The following CHD9 variants were observed in gnomAD, a reference collection of about 807,000 sequenced individuals.
The protein encoded by CHD9 is ATP-dependent chromatin remodeler CHD9.
A neutral mutation model predicts 316.1 loss-of-function variants in CHD9; 77 were observed. The observed-to-expected ratio is 0.24, with a 90% CI of 0.20 to 0.29. CHD9 has a LOEUF of 0.29. CHD9 is among the 10% of genes least tolerant of loss of function. The probability of loss-of-function intolerance (pLI) is 1.00; values close to 1 mark genes in which losing one functional copy is unlikely to be tolerated. For missense variants in CHD9, 2,763 were observed against 3,438.1 expected (o/e 0.80, Z 4.91); for synonymous variants, 1,129 against 1,158.3 (o/e 0.97, Z 0.51).
In CHD9 at chr16:53,247,444, C is replaced by T; in HGVS notation, c.3606C>T (p.Leu1202=). 1 of 1,608,304 alleles carries T rather than the reference C, an allele frequency of 6.2e-7. No individual in the cohort carries two copies. The highest frequency in any genetic ancestry group is 8.5e-7 in the Non-Finnish European group (1 of 1,176,956). The change falls in exon 16 of 39, where the codon CTC becomes CTT. Residue 1202 remains leucine (L), a synonymous_variant. Transcript: ENST00000447540. ...TGAAAGCCGGAGGTCATAAAGTGCT[C>T]ATCTTCTCTCAAATGGTTCGTTGCC... The part of the protein sequence containing the change: ...PKMKAGGHKV[L]IFSQMVRCLD...
chr16:53,057,046 C>T (rs1426609121), intron 1 of CHD9, among the ~76,000 whole-genome samples: 1 of 152,118 alleles, frequency 6.6e-6, no homozygotes, highest in Non-Finnish European at 1.5e-5. Flanking sequence ...CATGGTGGCT[C>T]ATGCATATAA....
chr16:53,057,634 A>C (rs373857670), intron 1 of CHD9, among the ~76,000 whole-genome samples: 4 of 152,058 alleles, frequency 2.6e-5, no homozygotes, highest in Admixed American at 2.6e-4. Context: ...AGCCTGGGCA[A>C]CAACAGCGAA....
In CHD9 at chr16:53,327,221, T is replaced by C. The variant is rs1446187478; in HGVS notation, c.*2326T>C. On this transcript the variant is annotated 3_prime_UTR_variant, in exon 39 of 39. Coordinates refer to ENST00000447540, the MANE Select transcript of CHD9 (RefSeq NM_001308319.2). ...TACTAAAGTTGCAGTTGAAAGAATA[T>C]CCAAGTATGTGTTGGTAGTTACTAA... The C allele has an allele frequency of 1.3e-5, 2 of 152,494 alleles. No individual in the cohort carries two copies. The highest frequency in any genetic ancestry group is 2.9e-5 in the Non-Finnish European group (2 of 67,946). The allele number at this position is 152,494 out of a possible 1,614,324, so 9.4% of individuals were successfully genotyped here. A position where few individuals can be genotyped will look rare whatever the true frequency, so the allele number is the denominator to read the frequency against.
At chr16:53,130,453 G>A (rs2039175071) in intron 1 of CHD9, among the ~76,000 whole-genome samples, 1 of 151,124 alleles carries the variant, frequency 6.6e-6, no homozygotes, top group Non-Finnish European at 1.5e-5. Flanking sequence ...GGCGTGCCCT[G>A]CCGGGGCCTG....
intron 1 of CHD9, among the ~76,000 whole-genome samples, chr16:53,143,362 A>T (rs1270270581): frequency 1.4e-4 from 9 of 62,186 alleles, no homozygotes; most frequent in African/African-American, 6.3e-4. Context: ...ATCTTATTTT[A>T]TTTATTTATT....
rs1041509456 is a variant in CHD9 at position 53,245,928 on chromosome 16, G to A, written c.3454+78G>A. 2 of 1,001,746 alleles carry A rather than the reference G, an allele frequency of 2.0e-6. No homozygotes were observed. The highest frequency in any genetic ancestry group is 3.3e-5 in the African/African-American group (2 of 60,230). 62.1% of individuals were successfully genotyped at this position (1,001,746 alleles called of 1,614,324 possible). Reference sequence around the variant, plus strand: ...GAATAAATAAACAGAACACACTACAGCTGTAGTGGCTGTTATGACTCTCCA... The same window carrying A: ...GAATAAATAAACAGAACACACTACAACTGTAGTGGCTGTTATGACTCTCCA... On this transcript the variant is annotated intron_variant, in intron 15 of 38. Coordinates refer to ENST00000447540, the MANE Select transcript of CHD9 (RefSeq NM_001308319.2). This position sits in a 1 kb window ranked among gnomAD's most constrained non-coding sequence, Gnocchi z 4.1.
chr16:53,162,981 G>A (rs2042023095), intron 2 of CHD9, among the ~76,000 whole-genome samples: 1 of 151,740 alleles, frequency 6.6e-6, no homozygotes, highest in Non-Finnish European at 1.5e-5. Flanking sequence ...TTGTTGCCCA[G>A]GCTGGACTCA....
intron 34 of CHD9, among the ~76,000 whole-genome samples, chr16:53,313,557 C>T (rs1278319213): frequency 1.3e-5 from 2 of 152,026 alleles, no homozygotes; most frequent in Non-Finnish European, 2.9e-5. Flanking sequence ...CTGCCCACCT[C>T]GTCCTTCCAA....
In CHD9 at chr16:53,304,354, A is replaced by G. The variant is rs2055722734; in HGVS notation, c.6348A>G (p.Pro2116=). The change falls in exon 31 of 39, where the codon CCA becomes CCG. Residue 2116 remains proline (P), a synonymous_variant. Transcript: ENST00000447540. ...GAACAGAACCCCTAACTCCAAACCC[A>G]GCTTCTAAGAAACCAAGAGTCCACA... ...AARTEPLTPN[P]ASKKPRVHKR... 5 of 1,613,210 alleles carry G rather than the reference A, an allele frequency of 3.1e-6. No individual in the cohort carries two copies. Among genetic ancestry groups the G allele is most frequent in the Non-Finnish European group, 4.2e-6 (5 of 1,179,828 alleles).
chr16:53,272,146 A>G (rs1419895813), intron 22 of CHD9, among the ~76,000 whole-genome samples: 1 of 152,116 alleles, frequency 6.6e-6, no homozygotes, highest in Non-Finnish European at 1.5e-5. Flanking sequence ...AAGTTTATTT[A>G]GTAAAACTAC....
At chr16:53,078,988 T>C (rs898737991) in intron 1 of CHD9, among the ~76,000 whole-genome samples, 3 of 152,188 alleles carry the variant, frequency 2.0e-5, no homozygotes, top group Non-Finnish European at 2.9e-5. Context: ...TATGGCATTA[T>C]GTCGTCTTTG....
intron 1 of CHD9, among the ~76,000 whole-genome samples, chr16:53,118,861 C>T (rs1471936943): frequency 2.0e-5 from 3 of 147,746 alleles, no homozygotes; most frequent in Non-Finnish European, 3.0e-5. Context: ...GGCACAATCT[C>T]GGCTCACTGC....
intron 1 of CHD9, among the ~76,000 whole-genome samples, chr16:53,061,804 G>T (rs1238207687): frequency 6.6e-6 from 1 of 152,190 alleles, no homozygotes; most frequent in Non-Finnish European, 1.5e-5. Flanking sequence ...ATGTCTGCAG[G>T]TAACCTCGGG....
At chr16:53,186,214 G>A (rs1199539168) in intron 2 of CHD9, among the ~76,000 whole-genome samples, 1 of 152,220 alleles carries the variant, frequency 6.6e-6, no homozygotes, top group Non-Finnish European at 1.5e-5. Flanking sequence ...GGATGGAAAT[G>A]CCCAAGGCTG....
At chr16:53,112,654 A>G (rs943994277) in intron 1 of CHD9, among the ~76,000 whole-genome samples, 42 of 152,234 alleles carry the variant, frequency 2.8e-4, no homozygotes, top group African/African-American at 9.4e-4. Flanking sequence ...ACAAGACAAA[A>G]GACCAGTACT....
chr16:53,307,182 G>T (rs572094551), intron 32 of CHD9, among the ~76,000 whole-genome samples: 1 of 152,080 alleles, frequency 6.6e-6, no homozygotes, highest in Non-Finnish European at 1.5e-5. Flanking sequence ...TTCTGTGTAC[G>T]TCTAAGTTGT....
At position 53,268,066 on chromosome 16, in the gene CHD9, A is replaced by G. The variant is rs751276484; in HGVS notation, c.4657A>G (p.Ile1553Val). 1.5e-5 allele frequency: 25 copies of G among 1,613,148 alleles called. No individual in the cohort carries two copies. The Admixed American group carries it at 3.7e-4, about 24-fold the overall frequency. ...AGGAGATGAGAAGATTAAAGGTTTC[A>G]TATGGGATCTCATTACTCCAACTGA... ...YRGDEKIKGF[I>V]WDLITPTEDG... The change falls in exon 22 of 39, where the codon ATA (isoleucine) becomes GTA (valine). Residue 1553 changes from isoleucine (I) to valine (V), a missense_variant. Ile to Val is a conservative substitution (Grantham distance 29). Transcript: ENST00000447540.
At chr16:53,297,255 A>G in intron 30 of CHD9, 97 bp downstream of exon 30, 1 of 802,322 alleles carries the variant, frequency 1.2e-6, no homozygotes, top group Non-Finnish European at 2.1e-6. Flanking sequence ...TGAAATTTCA[A>G]TACTATCTAA....
chr16:53,106,280 A>G (rs2037343464), intron 1 of CHD9, among the ~76,000 whole-genome samples: 1 of 152,176 alleles, frequency 6.6e-6, no homozygotes, highest in African/African-American at 2.4e-5. Context: ...CTATCCTTCA[A>G]TTTGTGTTCT....
Sources: gnomAD v4.1 joint callset for allele counts (sites outside exome capture counted in the v4.1 genomes callset) on GRCh38, gnomAD v4.1.1 for gene constraint, Gnocchi (gnomAD v3.1) non-coding constraint, MANE v1.5 for transcripts, NCBI Gene and HGNC (gene_info 2026-07-23, HGNC 2026-07-21) for gene names.